Variants in ATP7B observed in about 807,000 individuals in gnomAD.
The protein encoded by ATP7B is copper-transporting ATPase 2.
Under a neutral mutation model 118.9 loss-of-function variants are expected in ATP7B, and 113 were observed. The ratio of observed to expected loss-of-function variants is 0.95; its 90% CI spans 0.82 to 1.11. The LOEUF is 1.11. Ranked by LOEUF, ATP7B falls within the 50% of genes most tolerant of loss-of-function variation. ATP7B has a pLI of 0.00. For synonymous variants in ATP7B, 777 were observed against 727.4 expected (o/e 1.07, Z -1.10); for missense variants, 1,867 against 1,871.4 (o/e 1.00, Z 0.04).
At chr13:51,999,894 C>T (rs886256304) in intron 1 of ATP7B, among the ~76,000 whole-genome samples, 1 of 152,136 alleles carries the variant, frequency 6.6e-6, no homozygotes, top group African/African-American at 2.4e-5. Context: ...CAGTGCCCAC[C>T]CCCATACTTA....
rs568150044 is a variant in ATP7B at position 51,995,615 on chromosome 13, T to C, written c.51+15672A>G. 8.5e-5 allele frequency among the ~76,000 whole-genome samples: 13 copies of C among 152,252 alleles called. No homozygotes were observed. In the South Asian group the frequency reaches 1.7e-3, roughly 19 times the overall value. On this transcript the variant is annotated intron_variant, in intron 1 of 20. Coordinates refer to ENST00000242839, the MANE Select transcript of ATP7B (RefSeq NM_000053.4). ...AGTTCACCTTCAGCAGACTATTTGG[T>C]TGTGTTAGAGAGAAATGCTTTAGAA...
At chr13:51,968,675 T>A in intron 3 of ATP7B, 68 bp from the exon 4 acceptor site, 1 of 1,560,284 alleles carries the variant, frequency 6.4e-7, no homozygotes, top group Non-Finnish European at 8.8e-7. Flanking sequence ...ACAGTCAATA[T>A]AACCGAACAA....
Position 51,934,573 on chromosome 13 carries a change from C to T in ATP7B, c.*183G>A. On this transcript the variant is annotated 3_prime_UTR_variant, in exon 21 of 21. Coordinates refer to ENST00000242839, the MANE Select transcript of ATP7B (RefSeq NM_000053.4). ...CAAGAGGCAGGCAGGGCCGTCCTCT[C>T]CAGGCCAAGCCCAGCTGCACCCAGA... 1 of 1,008,344 alleles carries T rather than the reference C, an allele frequency of 9.9e-7. No homozygotes were observed. The highest frequency in any genetic ancestry group is 1.5e-6 in the Non-Finnish European group (1 of 682,994). 62.5% of individuals were successfully genotyped at this position (1,008,344 alleles called of 1,614,324 possible).
chr13:51,975,815 T>C (rs1266842754), intron 1 of ATP7B, among the ~76,000 whole-genome samples: 1 of 152,194 alleles, frequency 6.6e-6, no homozygotes, highest in African/African-American at 2.4e-5. Flanking sequence ...GTATGCTCCC[T>C]GGGCGAGGTT....
chr13:51,965,342 T>C (rs562905886), intron 4 of ATP7B, among the ~76,000 whole-genome samples: 34 of 152,296 alleles, frequency 2.2e-4, no homozygotes, highest in African/African-American at 7.9e-4. Flanking sequence ...CCCTCTCCAC[T>C]GTCTGTTACC....
chr13:51,951,370 G>T (rs1957995216), intron 9 of ATP7B, among the ~76,000 whole-genome samples: 1 of 151,842 alleles, frequency 6.6e-6, no homozygotes, highest in Non-Finnish European at 1.5e-5. Context: ...GAGGGTGAGG[G>T]AAGAGAAGGG....
intron 5 of ATP7B, chr13:51,964,641 A>C: frequency 2.0e-6 from 1 of 509,790 alleles, no homozygotes; most frequent in Non-Finnish European, 3.5e-6. Flanking sequence ...AAACAATAAT[A>C]ATGTCTTTTC....
rs1256067095 is a variant in ATP7B at position 51,932,884 on chromosome 13, C to T, written c.*1872G>A. On this transcript the variant is annotated 3_prime_UTR_variant, in exon 21 of 21. Transcript: ENST00000242839. ...AGAATTAGATTCTTTAGATAATGATCAGCCTAGTCAGAAAACAACATTCCC... is the reference window on the plus strand; with the variant it reads ...AGAATTAGATTCTTTAGATAATGATTAGCCTAGTCAGAAAACAACATTCCC... 6.6e-6 allele frequency: 1 copy of T among 152,046 alleles called. No homozygotes were observed. Among genetic ancestry groups the T allele is most frequent in the Non-Finnish European group, 1.5e-5 (1 of 68,020 alleles). 9.4% of individuals were successfully genotyped at this position (152,046 alleles called of 1,614,324 possible). A position where few individuals can be genotyped will look rare whatever the true frequency, so the allele number is the denominator to read the frequency against.
chr13:51,936,269 A>T (rs908244914), intron 19 of ATP7B, among the ~76,000 whole-genome samples: 6 of 152,152 alleles, frequency 3.9e-5, no homozygotes, highest in African/African-American at 1.4e-4. Context: ...GACAAGAAGT[A>T]AACCTGCCTG....
chr13:51,943,436 G>A (rs1447309077), intron 14 of ATP7B, among the ~76,000 whole-genome samples: 1 of 152,186 alleles, frequency 6.6e-6, no homozygotes, highest in Non-Finnish European at 1.5e-5. Flanking sequence ...CCCCTGATCA[G>A]GAAGAGTTGT....
chr13:51,937,789 G>A, intron 17 of ATP7B, 110 bp from the exon 18 acceptor site: 1 of 1,283,994 alleles, frequency 7.8e-7, no homozygotes, highest in Non-Finnish European at 1.1e-6. Context: ...TCCAGTCAGT[G>A]ATGTTGGTCA....
chr13:51,951,644 G>C (rs1958015237), intron 9 of ATP7B, among the ~76,000 whole-genome samples: 1 of 152,170 alleles, frequency 6.6e-6, no homozygotes, highest in Non-Finnish European at 1.5e-5. Flanking sequence ...TCTGAAAGCT[G>C]AGCAGAAGCT....
intron 1 of ATP7B, among the ~76,000 whole-genome samples, chr13:51,998,861 A>G (rs1293701465): frequency 6.6e-6 from 1 of 152,174 alleles, no homozygotes; most frequent in Non-Finnish European, 1.5e-5. Context: ...CAGCACTCAC[A>G]AACATTACCT....
At chr13:52,006,202 G>C (rs533822163) in intron 1 of ATP7B, among the ~76,000 whole-genome samples, 2 of 152,148 alleles carry the variant, frequency 1.3e-5, no homozygotes, top group Non-Finnish European at 2.9e-5. Flanking sequence ...TTTGTTCGGG[G>C]CTCTCAGCAC....
intron 1 of ATP7B, 66 bp downstream of exon 1, chr13:52,011,221 C>G (rs1352839429): frequency 1.9e-6 from 3 of 1,613,080 alleles, no homozygotes; most frequent in African/African-American, 1.3e-5. Flanking sequence ...AAGCGCCGAA[C>G]GCGGGGAGGA....
chr13:51,969,413 T>C (rs866590719), intron 3 of ATP7B, among the ~76,000 whole-genome samples: 11 of 151,698 alleles, frequency 7.3e-5, no homozygotes, highest in Non-Finnish European at 7.4e-5. Context: ...AGTTATTGAC[T>C]GCTGTTACCG....
At chr13:51,953,852 A>AAAAAAAAAAAAAAAAAAAAAT (rs1958166036) in intron 9 of ATP7B, among the ~76,000 whole-genome samples, 1 of 65,580 alleles carries the variant, frequency 1.5e-5, no homozygotes, top group African/African-American at 5.1e-5. Context: ...CATCAATTGT[A>AAAAAAAAAAAAAAAAAAAAAT]AAAAAAAAAA....
chr13:51,979,493 T>G (rs1040004364), intron 1 of ATP7B, among the ~76,000 whole-genome samples: 5 of 152,134 alleles, frequency 3.3e-5, no homozygotes, highest in African/African-American at 1.2e-4. Flanking sequence ...AATTTAAAAT[T>G]AAAATAACAT....
intron 1 of ATP7B, among the ~76,000 whole-genome samples, chr13:51,999,159 A>C (rs1425299783): frequency 1.3e-5 from 2 of 152,242 alleles, no homozygotes; most frequent in African/African-American, 4.8e-5. Context: ...TATGCACAAC[A>C]GAAGACCAGG....
Sources: gnomAD v4.1 joint callset for allele counts (sites outside exome capture counted in the v4.1 genomes callset) on GRCh38, gnomAD v4.1.1 for gene constraint, MANE v1.5 for transcripts, NCBI Gene and HGNC (gene_info 2026-07-23, HGNC 2026-07-21) for gene names.